Variants in CEP112 observed in about 807,000 individuals in gnomAD.
CEP112 encodes centrosomal protein 112, also known as centrosomal protein of 112 kDa.
CEP112 carries 127 observed loss-of-function variants against 153.0 expected under a neutral mutation model. That is an observed-to-expected ratio of 0.83 (90% CI 0.72 to 0.96). The LOEUF (loss-of-function observed/expected upper bound fraction) is 0.96, where lower values mean the gene tolerates loss of function less well. Among genes scored for constraint, CEP112 ranks in the 40% least tolerant of loss-of-function variants. The pLI, the probability that CEP112 is intolerant of heterozygous loss-of-function variation, is 0.00. For synonymous variants in CEP112, 358 were observed against 374.4 expected (o/e 0.96, Z 0.51); for missense variants, 1,089 against 1,101.2 (o/e 0.99, Z 0.16).
intron 21 of CEP112, among the ~76,000 whole-genome samples, chr17:65,798,393 C>A: frequency 6.6e-6 from 1 of 152,108 alleles, no homozygotes; most frequent in Non-Finnish European, 1.5e-5. Context: ...ACTCAAGCAC[C>A]TTTTCTGAAG....
intron 12 of CEP112, among the ~76,000 whole-genome samples, chr17:66,050,405 G>A (rs2066389533): frequency 6.6e-6 from 1 of 152,074 alleles, no homozygotes; most frequent in Non-Finnish European, 1.5e-5. Flanking sequence ...TTGGCCAGTT[G>A]CCATGGTAAA....
intron 6 of CEP112, among the ~76,000 whole-genome samples, chr17:66,128,302 C>CAAAAAAAAA (rs33978059): frequency 1.4e-5 from 1 of 73,506 alleles, no homozygotes. Flanking sequence ...GATTCTGTCT[C>CAAAAAAAAA]AAAAAAAAAA....
chr17:65,707,472 C>T (rs943917290), intron 23 of CEP112, among the ~76,000 whole-genome samples: 2 of 152,152 alleles, frequency 1.3e-5, no homozygotes, highest in Non-Finnish European at 2.9e-5. Context: ...CAAAGTTCTC[C>T]AATGACTTAC....
At chr17:65,954,514 C>A (rs796714734) in intron 18 of CEP112, among the ~76,000 whole-genome samples, 2 of 152,232 alleles carry the variant, frequency 1.3e-5, no homozygotes, top group African/African-American at 4.8e-5. Context: ...AAGATGAAAT[C>A]TCTGAATTGC....
At chr17:65,896,885 G>A (rs1315681509) in intron 20 of CEP112, among the ~76,000 whole-genome samples, 1 of 152,054 alleles carries the variant, frequency 6.6e-6, no homozygotes, top group African/African-American at 2.4e-5. Flanking sequence ...GGTTTTACCA[G>A]GAGTCCACCA....
chr17:65,997,143 G>A (rs55905069), intron 17 of CEP112, among the ~76,000 whole-genome samples: 46,613 of 151,996 alleles, frequency 0.31, 9,188 homozygotes, highest in Non-Finnish European at 0.45. Flanking sequence ...CCCAGGAGGC[G>A]AAGGTTGCAG....
At chr17:65,640,156 T>TATATATATATATATATATATATA (rs1567796006) in intron 25 of CEP112, among the ~76,000 whole-genome samples, 1 of 32,334 alleles carries the variant, frequency 3.1e-5, no homozygotes, top group African/African-American at 2.3e-4. Flanking sequence ...ATATATATAT[T>TATATATATATATATATATATATA]TTTTTTTTTT....
chr17:65,794,028 T>C (rs2054755443), intron 21 of CEP112, among the ~76,000 whole-genome samples: 1 of 152,226 alleles, frequency 6.6e-6, no homozygotes, highest in South Asian at 2.1e-4. Context: ...CTGAAACTTC[T>C]GTCTATTCAA....
chr17:65,654,602 G>T (rs1289265720), intron 24 of CEP112, among the ~76,000 whole-genome samples: 1 of 152,182 alleles, frequency 6.6e-6, no homozygotes, highest in Non-Finnish European at 1.5e-5. Context: ...ACCATTTTCT[G>T]ATCCTGTGGA....
In CEP112 at chr17:65,986,271, T is replaced by C. The variant is rs199885289; in HGVS notation, c.1736+19419A>G. Among the ~76,000 whole-genome samples the C allele has an allele frequency of 3.3e-5, 5 of 152,178 alleles. No individual in the cohort carries two copies. In the East Asian group the frequency reaches 9.7e-4, roughly 29 times the overall value. On this transcript the variant is annotated intron_variant, in intron 17 of 26. Transcript: ENST00000535342. Reference sequence around the variant, plus strand: ...GAATCTCCAACAACTATAAAGTACATGGAAATAGACTAATTAAAAATATAT... The same window carrying C: ...GAATCTCCAACAACTATAAAGTACACGGAAATAGACTAATTAAAAATATAT...
chr17:65,650,445 G>A (rs2045685484), intron 24 of CEP112, among the ~76,000 whole-genome samples: 2 of 152,164 alleles, frequency 1.3e-5, no homozygotes, highest in Admixed American at 1.3e-4. Flanking sequence ...TTCCTGGCAA[G>A]GAGCACTTCT....
chr17:66,189,904 C>T (rs2073098867), intron 1 of CEP112, among the ~76,000 whole-genome samples: 1 of 152,018 alleles, frequency 6.6e-6, no homozygotes, highest in Non-Finnish European at 1.5e-5. Context: ...TGGTAGCATG[C>T]ATCTGTAGTC....
intron 8 of CEP112, among the ~76,000 whole-genome samples, chr17:66,089,465 T>C (rs1223225313): frequency 6.6e-6 from 1 of 152,146 alleles, no homozygotes; most frequent in Non-Finnish European, 1.5e-5. Flanking sequence ...AGTAAGTGTA[T>C]AAAATGAGAA....
intron 24 of CEP112, among the ~76,000 whole-genome samples, chr17:65,649,003 A>G (rs2045589186): frequency 6.6e-6 from 1 of 152,146 alleles, no homozygotes; most frequent in South Asian, 2.1e-4. Context: ...GTGAGCCAAC[A>G]TCGTGCCACT....
chr17:65,786,274 C>T (rs572702075), intron 21 of CEP112, among the ~76,000 whole-genome samples: 1 of 151,930 alleles, frequency 6.6e-6, no homozygotes, highest in East Asian at 1.9e-4. Context: ...TTATATCCTG[C>T]AACCTTGGTA....
intron 21 of CEP112, among the ~76,000 whole-genome samples, chr17:65,810,274 C>A (rs9901935): frequency 1.3e-5 from 2 of 151,892 alleles, no homozygotes; most frequent in Non-Finnish European, 2.9e-5. Context: ...TGAATATATA[C>A]CCCCCTCCCT....
chr17:65,950,699 C>CTATTATTAGTAGTAGTAGTAGTAGTAG lies in CEP112; in HGVS notation c.1872+10763_1872+10764insCTACTACTACTACTACTACTAATAATA, dbSNP rs57598697. Among the ~76,000 whole-genome samples the CTATTATTAGTAGTAGTAGTAGTAGTAG allele has an allele frequency of 8.2e-5, 12 of 147,184 alleles. No homozygotes were observed. The East Asian group carries it at 2.5e-3, about 30-fold the overall frequency. ...CTTTCTTTCCATTCTGGATACATTA[C>CTATTATTAGTAGTAGTAGTAGTAGTAG]TAGTAGTAGTAGTAGTAGTAGTAGT... is the stretch of plus-strand genomic sequence containing the variant. On this transcript the variant is annotated intron_variant, in intron 18 of 26. Transcript: ENST00000535342.
At chr17:65,745,173 A>T (rs1166678111) in intron 22 of CEP112, among the ~76,000 whole-genome samples, 1 of 152,232 alleles carries the variant, frequency 6.6e-6, no homozygotes, top group African/African-American at 2.4e-5. Flanking sequence ...ACTATACCAA[A>T]GTTTGACACT....
intron 23 of CEP112, among the ~76,000 whole-genome samples, chr17:65,723,732 G>C (rs1305372331): frequency 6.6e-6 from 1 of 152,166 alleles, no homozygotes; most frequent in Non-Finnish European, 1.5e-5. Context: ...ATATTTTACA[G>C]TGTAGTTTAT....
Sources: allele counts gnomAD v4.1 joint callset (sites outside exome capture counted in the v4.1 genomes callset), GRCh38; gene constraint gnomAD v4.1.1; transcripts MANE v1.5; gene names NCBI Gene and HGNC (gene_info 2026-07-23, HGNC 2026-07-21).